SLC25A21: variants seen among roughly 807,000 people sequenced by gnomAD.
SLC25A21 encodes mitochondrial 2-oxodicarboxylate carrier.
A neutral mutation model predicts 43.8 loss-of-function variants in SLC25A21; 47 were observed. That is an observed-to-expected ratio of 1.07 (90% CI 0.85 to 1.37). The LOEUF (loss-of-function observed/expected upper bound fraction) is 1.37. SLC25A21 is among the 40% of genes most tolerant of loss of function. SLC25A21 has a pLI of 0.00. For missense variants in SLC25A21, 352 were observed against 350.2 expected (o/e 1.00, Z -0.04); for synonymous variants, 131 against 121.3 (o/e 1.08, Z -0.52).
chr14:36,791,660 A>G (rs1307613978), intron 3 of SLC25A21, among the ~76,000 whole-genome samples: 2 of 152,226 alleles, frequency 1.3e-5, no homozygotes, highest in African/African-American at 4.8e-5. Context: ...TTTTTATACA[A>G]TGAAAGTTTT....
chr14:36,682,546 C>G (rs1489502057), intron 9 of SLC25A21, among the ~76,000 whole-genome samples: 2 of 152,178 alleles, frequency 1.3e-5, no homozygotes, highest in Non-Finnish European at 2.9e-5. Flanking sequence ...CTAACCTCTC[C>G]CTTGTCATCA....
intron 7 of SLC25A21, among the ~76,000 whole-genome samples, chr14:36,696,118 G>A (rs1475198662): frequency 6.6e-6 from 1 of 152,148 alleles, no homozygotes. Flanking sequence ...TTAGCATGAA[G>A]GGCTGTTGAA....
intron 3 of SLC25A21, among the ~76,000 whole-genome samples, chr14:36,777,303 T>C (rs1209888540): frequency 1.3e-5 from 2 of 152,112 alleles, no homozygotes; most frequent in African/African-American, 4.8e-5. Flanking sequence ...AAGCCTAGCT[T>C]AAGTCCATCA....
chr14:37,019,033 T>G (rs10129311), intron 1 of SLC25A21, among the ~76,000 whole-genome samples: 70,697 of 151,796 alleles, frequency 0.47, 19,402 homozygotes, highest in African/African-American at 0.78. Flanking sequence ...GTTTCCCTGA[T>G]ATTCTTGCCC....
At chr14:36,923,324 T>A (rs2138627146) in intron 1 of SLC25A21, among the ~76,000 whole-genome samples, 1 of 152,178 alleles carries the variant, frequency 6.6e-6, no homozygotes, top group East Asian at 1.9e-4. Context: ...GATAAAAAAA[T>A]ATGCCACAGA....
intron 3 of SLC25A21, among the ~76,000 whole-genome samples, chr14:36,748,316 C>A (rs1190920816): frequency 3.3e-5 from 5 of 152,138 alleles, no homozygotes; most frequent in Non-Finnish European, 7.4e-5. Context: ...AAAATGCTGG[C>A]TTTTGAGGAA....
intron 1 of SLC25A21, among the ~76,000 whole-genome samples, chr14:36,938,015 A>T (rs866944535): frequency 9.2e-5 from 14 of 152,080 alleles, no homozygotes; most frequent in Non-Finnish European, 1.5e-4. Context: ...TTAAAAAAAA[A>T]TTTTTTTTAA....
intron 1 of SLC25A21, among the ~76,000 whole-genome samples, chr14:37,040,433 A>G (rs188039099): frequency 2.2e-4 from 23 of 104,260 alleles, no homozygotes; most frequent in Middle Eastern, 4.0e-3. Context: ...GAAAGAAAGA[A>G]AGAAAGAAAA....
chr14:36,845,762 A>G (rs930630200), intron 2 of SLC25A21, among the ~76,000 whole-genome samples: 1 of 152,150 alleles, frequency 6.6e-6, no homozygotes, highest in African/African-American at 2.4e-5. Flanking sequence ...TTTTAGACAT[A>G]CTCTTGACAG....
intron 1 of SLC25A21, among the ~76,000 whole-genome samples, chr14:37,144,441 A>G (rs1963624667): frequency 6.6e-6 from 1 of 152,186 alleles, no homozygotes; most frequent in Non-Finnish European, 1.5e-5. Context: ...GAACCAAATT[A>G]TTTGATAGAG....
At chr14:37,016,475 G>A (rs191192436) in intron 1 of SLC25A21, among the ~76,000 whole-genome samples, 1,533 of 152,190 alleles carry the variant, frequency 0.01, 15 homozygotes, top group Middle Eastern at 0.044. Flanking sequence ...GTCAGGTAGC[G>A]TGATGCCTCC....
intron 1 of SLC25A21, among the ~76,000 whole-genome samples, chr14:36,934,320 G>C (rs1892365176): frequency 6.6e-6 from 1 of 151,924 alleles, no homozygotes; most frequent in Admixed American, 6.6e-5. Context: ...TTAGGAAGGA[G>C]AATCTCTATA....
At chr14:36,995,726 C>A (rs987072553) in intron 1 of SLC25A21, among the ~76,000 whole-genome samples, 1 of 152,154 alleles carries the variant, frequency 6.6e-6, no homozygotes, top group Non-Finnish European at 1.5e-5. Context: ...CACTGTTGGG[C>A]CTCAACCCAG....
chr14:36,816,796 C>T (rs911087135), intron 2 of SLC25A21, among the ~76,000 whole-genome samples: 2 of 152,216 alleles, frequency 1.3e-5, no homozygotes, highest in African/African-American at 4.8e-5. Context: ...GAGCCACTAC[C>T]CCTAGACAAC....
chr14:36,874,375 A>G (rs1189205064), intron 2 of SLC25A21, among the ~76,000 whole-genome samples: 2 of 152,224 alleles, frequency 1.3e-5, no homozygotes, highest in African/African-American at 4.8e-5. Context: ...AAAATGCTCT[A>G]GATCATATTA....
At position 36,941,461 on chromosome 14, in the gene SLC25A21, A is replaced by T. The variant is rs998309021; in HGVS notation, c.71-66457T>A. Among the ~76,000 whole-genome samples the T allele has an allele frequency of 2.0e-5, 3 of 152,006 alleles. No individual in the cohort carries two copies. In the East Asian group the frequency reaches 5.8e-4, roughly 29 times the overall value. On this transcript the variant is annotated intron_variant, in intron 1 of 9. Transcript: ENST00000331299. ...AAGAAAACTACACCAAATAAATTCA[A>T]ATTATATTTATATAATTTTGATATA... is the stretch of plus-strand genomic sequence containing the variant.
intron 3 of SLC25A21, among the ~76,000 whole-genome samples, chr14:36,789,534 A>C (rs892011707): frequency 2.0e-5 from 3 of 151,338 alleles, no homozygotes; most frequent in African/African-American, 7.3e-5. Context: ...GGCAGCATTC[A>C]CTACATCCTA....
At chr14:37,094,980 A>C (rs916814321) in intron 1 of SLC25A21, among the ~76,000 whole-genome samples, 41 of 152,252 alleles carry the variant, frequency 2.7e-4, no homozygotes, top group African/African-American at 9.4e-4. Context: ...ACACACACAA[A>C]AAAAAAGTAA....
In SLC25A21 at chr14:37,172,265, G is replaced by A; in HGVS notation, c.70+16C>T. The A allele has an allele frequency of 2.5e-6, 4 of 1,581,850 alleles. No homozygotes were observed. In the South Asian group the frequency reaches 3.5e-5, roughly 14 times the overall value. ...AAGCGACTAGCCTCCGGCGGGGCAG[G>A]GCGGGCTGTCCTTACCTGCAGAACC... On this transcript the variant is annotated intron_variant, in intron 1 of 9. Transcript: ENST00000331299.
Sources: allele counts gnomAD v4.1 joint callset (sites outside exome capture counted in the v4.1 genomes callset), GRCh38; gene constraint gnomAD v4.1.1; transcripts MANE v1.5; gene names NCBI Gene and HGNC (gene_info 2026-07-23, HGNC 2026-07-21).